The following MED13 variants were observed in gnomAD, a reference collection of about 807,000 sequenced individuals.
MED13 encodes mediator of RNA polymerase II transcription subunit 13.
A neutral mutation model predicts 225.2 loss-of-function variants in MED13; 23 were observed. That is an observed-to-expected ratio of 0.10 (90% confidence interval 0.07 to 0.14). The LOEUF (loss-of-function observed/expected upper bound fraction) is 0.14. Among genes scored for constraint, MED13 ranks in the 10% least tolerant of loss-of-function variants. MED13 has a pLI of 1.00. For synonymous variants in MED13, 942 were observed against 889.2 expected (o/e 1.06, Z -1.06); for missense variants, 2,197 against 2,594.5 (o/e 0.85, Z 3.33).
intron 9 of MED13, among the ~76,000 whole-genome samples, chr17:61,997,496 C>T (rs2080356569): frequency 6.6e-6 from 1 of 152,036 alleles, no homozygotes; most frequent in African/African-American, 2.4e-5. Context: ...CAAATATTCA[C>T]TAATGCAAAT....
At chr17:61,986,256 C>T (rs2080246753) in intron 12 of MED13, among the ~76,000 whole-genome samples, 1 of 152,056 alleles carries the variant, frequency 6.6e-6, no homozygotes, top group African/African-American at 2.4e-5. Context: ...TATATGTACA[C>T]ACACACATAT....
chr17:61,955,156 G>A lies in MED13; in HGVS notation c.5968+226C>T, dbSNP rs142818311. 3.9e-4 allele frequency among the ~76,000 whole-genome samples: 60 copies of A among 152,138 alleles called. 1 individual carries two copies. Among genetic ancestry groups the A allele is most frequent in the African/African-American group, 1.4e-3 (58 of 41,498 alleles). On this transcript the variant is annotated intron_variant, in intron 26 of 29. Transcript: ENST00000397786. Reference sequence around the variant, plus strand: ...ACCACATGGCTTTCTTCTCTTCTATGTAGTCAAACCTCCTTCTGCCTCCTT... The same window carrying A: ...ACCACATGGCTTTCTTCTCTTCTATATAGTCAAACCTCCTTCTGCCTCCTT...
intron 26 of MED13, among the ~76,000 whole-genome samples, chr17:61,955,105 C>T (rs1289292984): frequency 1.3e-5 from 2 of 152,138 alleles, no homozygotes; most frequent in Non-Finnish European, 2.9e-5. Flanking sequence ...CATCTTCTCC[C>T]TTTGACTTTG....
chr17:61,972,958 A>C, intron 16 of MED13, 70 bp from the exon 17 acceptor site: 1 of 1,336,850 alleles, frequency 7.5e-7, no homozygotes, highest in Non-Finnish European at 1.0e-6. Context: ...TTTTAAGATA[A>C]TACAAAACAC....
intron 2 of MED13, among the ~76,000 whole-genome samples, chr17:62,059,937 A>G (rs1193634163): frequency 6.6e-6 from 1 of 152,232 alleles, no homozygotes; most frequent in Non-Finnish European, 1.5e-5. Context: ...AAATATGATC[A>G]TATACCACTC....
At chr17:62,051,827 C>G (rs2080959559) in intron 3 of MED13, among the ~76,000 whole-genome samples, 2 of 152,214 alleles carry the variant, frequency 1.3e-5, no homozygotes, top group African/African-American at 4.8e-5. Context: ...GTTCATCTCT[C>G]TTGAAGTCTC....
intron 9 of MED13, among the ~76,000 whole-genome samples, chr17:62,003,173 C>T (rs934663177): frequency 3.6e-5 from 5 of 139,018 alleles, no homozygotes; most frequent in African/African-American, 1.5e-4. Flanking sequence ...AAACTTTTAA[C>T]CTACCAACTA....
chr17:62,062,603 CACA>C (rs1568010387), intron 2 of MED13, among the ~76,000 whole-genome samples: 1,194 of 26,546 alleles, frequency 0.045, 13 homozygotes, highest in African/African-American at 0.17. Flanking sequence ...ACACACACCA[CACA>C]CACACACACA....
chr17:61,983,153 T>C (rs1387976549), intron 15 of MED13, 39 bp from the exon 16 acceptor site: 6 of 1,438,738 alleles, frequency 4.2e-6, no homozygotes, highest in South Asian at 4.2e-5. Context: ...AATATATATA[T>C]AAAGGAACAT....
Position 61,979,680 on chromosome 17 carries a change from C to A in MED13, c.3805+2518G>T, listed in dbSNP as rs150508529. On this transcript the variant is annotated intron_variant, in intron 16 of 29. Coordinates refer to ENST00000397786, the MANE Select transcript of MED13 (RefSeq NM_005121.3). ...AATAATAATAAACCTCTCTTTTAAC[C>A]CTATTATGCAATTTCTCTGCTATTT... 4.7e-4 allele frequency among the ~76,000 whole-genome samples: 72 copies of A among 152,196 alleles called. 1 individual carries two copies. The highest frequency in any genetic ancestry group is 1.6e-3 in the African/African-American group (68 of 41,522).
intron 8 of MED13, among the ~76,000 whole-genome samples, chr17:62,018,641 G>A (rs2080606347): frequency 1.3e-5 from 2 of 151,922 alleles, no homozygotes; most frequent in Non-Finnish European, 2.9e-5. Context: ...TCGAGCCAGG[G>A]AGGGGCAGGT....
intron 6 of MED13, 52 bp downstream of exon 6, chr17:62,031,392 T>C (rs1302068623): frequency 2.2e-6 from 3 of 1,383,914 alleles, no homozygotes; most frequent in Non-Finnish European, 1.9e-6. Context: ...AAGTACTTAC[T>C]GTACACAAAA....
At chr17:61,976,820 T>C (rs1222651641) in intron 16 of MED13, among the ~76,000 whole-genome samples, 3 of 152,086 alleles carry the variant, frequency 2.0e-5, no homozygotes, top group African/African-American at 7.2e-5. Flanking sequence ...TAGTCCCAGC[T>C]ACTGGAGAGG....
intron 18 of MED13, 136 bp from the exon 19 acceptor site, chr17:61,966,787 G>A (rs1248137186): frequency 5.5e-6 from 3 of 546,240 alleles, no homozygotes; most frequent in Admixed American, 4.1e-5. Flanking sequence ...AAATATCAAG[G>A]GTGTTTTTAG....
chr17:62,029,298 T>G (rs1425141641), intron 8 of MED13: 3 of 510,614 alleles, frequency 5.9e-6, no homozygotes, highest in Non-Finnish European at 1.0e-5. Context: ...TGTCTTTTAT[T>G]TAGCTACTAG....
Position 62,015,957 on chromosome 17 carries a change from T to TA in MED13, c.1284-4725_1284-4724insT, listed in dbSNP as rs1227669033. 0.031 allele frequency among the ~76,000 whole-genome samples: 193 copies of TA among 6,310 alleles called. 28 individuals carry two copies. The East Asian group carries it at 0.31, about 10-fold the overall frequency. The allele number at this position is 6,310 out of a possible 152,430, so 4.1% of individuals were successfully genotyped here. On this transcript the variant is annotated intron_variant, in intron 8 of 29. Transcript: ENST00000397786. ...ATATATATATATATATATATATATTTTTTTTTTTTTTTTTTTTTTTTTTTT... is the reference window on the plus strand; with the variant it reads ...ATATATATATATATATATATATATTTATTTTTTTTTTTTTTTTTTTTTTTTT...
intron 2 of MED13, among the ~76,000 whole-genome samples, chr17:62,054,514 TAAAG>T (rs1366047463): frequency 2.0e-5 from 3 of 152,142 alleles, no homozygotes; most frequent in Non-Finnish European, 4.4e-5. Flanking sequence ...TTCACTTCAT[TAAAG>T]AAAGTATTAG....
intron 9 of MED13, 178 bp downstream of exon 9, chr17:62,010,372 T>C: frequency 2.4e-6 from 1 of 422,654 alleles, no homozygotes; most frequent in Non-Finnish European, 4.0e-6. Flanking sequence ...GCTAAAGTTA[T>C]TTCATAATGA....
At chr17:62,003,000 G>C (rs1484263279) in intron 9 of MED13, among the ~76,000 whole-genome samples, 1 of 152,192 alleles carries the variant, frequency 6.6e-6, no homozygotes, top group Non-Finnish European at 1.5e-5. Context: ...CTAGGTGCCA[G>C]TAGCACACCC....
Sources: gnomAD v4.1 joint callset for allele counts (sites outside exome capture counted in the v4.1 genomes callset) on GRCh38, gnomAD v4.1.1 for gene constraint, MANE v1.5 for transcripts, NCBI Gene and HGNC (gene_info 2026-07-23, HGNC 2026-07-21) for gene names.